The following DPP10 variants were observed in gnomAD, a reference collection of about 807,000 sequenced individuals.
DPP10 encodes the protein dipeptidyl peptidase like 10.
Under a neutral mutation model 120.9 loss-of-function variants are expected in DPP10, and 33 were observed. The ratio of observed to expected loss-of-function variants is 0.27; its 90% CI spans 0.21 to 0.37. DPP10 has a LOEUF of 0.37. DPP10 is among the 10% of genes least tolerant of loss of function. The pLI is 1.00. For missense variants in DPP10, 816 were observed against 942.8 expected (o/e 0.87, Z 1.76); for synonymous variants, 337 against 326.1 (o/e 1.03, Z -0.36).
chr2:114,783,316 A>T (rs2106203405), intron 1 of DPP10, among the ~76,000 whole-genome samples: 1 of 152,288 alleles, frequency 6.6e-6, no homozygotes, highest in South Asian at 2.1e-4. Context: ...AATATGCATC[A>T]GAATTAAAAT....
At position 115,031,187 on chromosome 2, in the gene DPP10, A is replaced by G. The variant is rs116000154; in HGVS notation, c.61-278052A>G. On this transcript the variant is annotated intron_variant, in intron 1 of 25. Coordinates refer to ENST00000410059, the MANE Select transcript of DPP10 (RefSeq NM_020868.6). ...CCTCAGGAAAAATATTTTTCAAGGT[A>G]TCAGTCTTAGAAGAGTCATTCAGGG... is the stretch of plus-strand genomic sequence containing the variant. 5.6e-3 allele frequency among the ~76,000 whole-genome samples: 847 copies of G among 152,242 alleles called. 9 individuals are homozygous for G. The highest frequency in any genetic ancestry group is 0.019 in the African/African-American group (800 of 41,540).
At chr2:114,477,019 C>T (rs1042673566) in intron 1 of DPP10, among the ~76,000 whole-genome samples, 4 of 151,884 alleles carry the variant, frequency 2.6e-5, no homozygotes, top group Non-Finnish European at 5.9e-5. Flanking sequence ...AGTGCAGTGG[C>T]ATGATTTCGG....
intron 2 of DPP10, among the ~76,000 whole-genome samples, chr2:115,321,504 A>AT (rs1297824203): frequency 6.0e-5 from 6 of 99,526 alleles, no homozygotes; most frequent in African/African-American, 1.8e-4. Context: ...CTCAGAATGC[A>AT]TTTTTTTAGT....
intron 1 of DPP10, among the ~76,000 whole-genome samples, chr2:114,579,463 A>G (rs1690317667): frequency 6.6e-6 from 1 of 152,220 alleles, no homozygotes; most frequent in African/African-American, 2.4e-5. Context: ...CCTGTATAAA[A>G]TAAAAAAGGT....
chr2:115,257,953 G>A (rs1010942278), intron 1 of DPP10, among the ~76,000 whole-genome samples: 2 of 152,080 alleles, frequency 1.3e-5, no homozygotes, highest in African/African-American at 2.4e-5. Context: ...AAAAGAGATA[G>A]GATATATGTA....
At chr2:115,365,965 A>G (rs1045087820) in intron 3 of DPP10, among the ~76,000 whole-genome samples, 6 of 151,918 alleles carry the variant, frequency 3.9e-5, no homozygotes, top group Admixed American at 1.3e-4. Context: ...ATATTACTGA[A>G]CTTTTTGACC....
At chr2:115,162,399 C>T in intron 1 of DPP10, 3 of 1,284,272 alleles carry the variant, frequency 2.3e-6, no homozygotes, top group African/African-American at 1.6e-5. Context: ...CTGCTGCGCT[C>T]CTGACGGCCG....
At chr2:115,368,168 C>G (rs572790944) in intron 3 of DPP10, among the ~76,000 whole-genome samples, 2 of 151,922 alleles carry the variant, frequency 1.3e-5, no homozygotes, top group African/African-American at 2.4e-5. Context: ...CAAAATCATA[C>G]GAAGAAAAAG....
chr2:114,615,734 T>G (rs575993552), intron 1 of DPP10, among the ~76,000 whole-genome samples: 1 of 152,264 alleles, frequency 6.6e-6, no homozygotes, highest in South Asian at 2.1e-4. Context: ...ATAATTGTAC[T>G]TGTAGGGAGG....
chr2:114,969,344 C>A (rs1699244238), intron 1 of DPP10, among the ~76,000 whole-genome samples: 1 of 152,134 alleles, frequency 6.6e-6, no homozygotes, highest in South Asian at 2.1e-4. Context: ...ACTAAGTTTA[C>A]AAAGGAATTT....
intron 1 of DPP10, among the ~76,000 whole-genome samples, chr2:115,016,459 CA>C (rs1222999384): frequency 6.6e-6 from 1 of 152,058 alleles, no homozygotes; most frequent in African/African-American, 2.4e-5. Flanking sequence ...GACTTCATGA[CA>C]AAAACACCAA....
chr2:115,662,439 T>TA (rs1382200516), intron 5 of DPP10, among the ~76,000 whole-genome samples: 7 of 151,950 alleles, frequency 4.6e-5, no homozygotes, highest in South Asian at 2.1e-4. Context: ...TTTTTATTTT[T>TA]TTTTTTTAGC....
chr2:115,330,400 T>TG (rs1184082891), intron 2 of DPP10, among the ~76,000 whole-genome samples: 3 of 151,036 alleles, frequency 2.0e-5, no homozygotes, highest in East Asian at 3.9e-4. Flanking sequence ...TTCACTCTGA[T>TG]GGTAGTTTCT....
chr2:115,436,075 T>C (rs2071464703), intron 3 of DPP10, among the ~76,000 whole-genome samples: 1 of 151,864 alleles, frequency 6.6e-6, no homozygotes, highest in Non-Finnish European at 1.5e-5. Flanking sequence ...ACAAAACAAC[T>C]CTGTTAATAG....
At chr2:114,674,567 G>A (rs1415206800) in intron 1 of DPP10, among the ~76,000 whole-genome samples, 1 of 152,162 alleles carries the variant, frequency 6.6e-6, no homozygotes, top group Non-Finnish European at 1.5e-5. Context: ...ATATGTCTGT[G>A]CAATGTAGCT....
intron 1 of DPP10, among the ~76,000 whole-genome samples, chr2:114,541,540 C>A (rs1212372035): frequency 6.6e-6 from 1 of 152,084 alleles, no homozygotes; most frequent in Non-Finnish European, 1.5e-5. Context: ...TATACTCTAG[C>A]TTTCCTGCAG....
intron 3 of DPP10, among the ~76,000 whole-genome samples, chr2:115,441,581 A>T (rs1436066839): frequency 6.6e-6 from 1 of 152,072 alleles, no homozygotes; most frequent in Non-Finnish European, 1.5e-5. Context: ...AATATTACTT[A>T]CCTGTCTCAA....
intron 1 of DPP10, among the ~76,000 whole-genome samples, chr2:115,042,824 T>G (rs1438259366): frequency 6.6e-6 from 1 of 152,240 alleles, no homozygotes; most frequent in Non-Finnish European, 1.5e-5. Context: ...GTAGCAGTAT[T>G]CCTCTTCCCA....
chr2:115,275,902 C>T (rs1409054697), intron 1 of DPP10, among the ~76,000 whole-genome samples: 3 of 151,902 alleles, frequency 2.0e-5, no homozygotes, highest in Non-Finnish European at 4.4e-5. Context: ...GGGGTTTCAC[C>T]GTGTTAGCCA....
Sources: allele counts gnomAD v4.1 joint callset (sites outside exome capture counted in the v4.1 genomes callset), GRCh38; gene constraint gnomAD v4.1.1; transcripts MANE v1.5; gene names NCBI Gene and HGNC (gene_info 2026-07-23, HGNC 2026-07-21).